The following SLC35F4 variants were observed in gnomAD, a reference collection of about 807,000 sequenced individuals.
SLC35F4 encodes the protein solute carrier family 35 member F4, also known as chromosome 14 open reading frame 36.
Under a neutral mutation model 44.2 loss-of-function variants are expected in SLC35F4, and 24 were observed. The ratio of observed to expected loss-of-function variants is 0.54; its 90% CI spans 0.39 to 0.76. SLC35F4 has a LOEUF of 0.76. Among genes scored for constraint, SLC35F4 ranks in the 30% least tolerant of loss-of-function variants. The probability of loss-of-function intolerance (pLI) is 0.00; values close to 1 mark genes in which losing one functional copy is unlikely to be tolerated. For synonymous variants in SLC35F4, 238 were observed against 223.6 expected (o/e 1.06, Z -0.57); for missense variants, 562 against 586.1 (o/e 0.96, Z 0.42).
intron 1 of SLC35F4, among the ~76,000 whole-genome samples, chr14:57,920,904 T>G (rs1041937827): frequency 6.6e-6 from 1 of 152,218 alleles, no homozygotes; most frequent in Admixed American, 6.5e-5. Flanking sequence ...ATGTATAGAT[T>G]ACATTTGTTA....
chr14:57,760,783 A>G (rs1423382291), intron 1 of SLC35F4, among the ~76,000 whole-genome samples: 1 of 152,202 alleles, frequency 6.6e-6, no homozygotes, highest in Non-Finnish European at 1.5e-5. Flanking sequence ...GGTGTGAATA[A>G]GCATTATTTC....
At chr14:57,665,946 T>C (rs1268067690) in intron 1 of SLC35F4, among the ~76,000 whole-genome samples, 4 of 151,878 alleles carry the variant, frequency 2.6e-5, no homozygotes, top group East Asian at 1.9e-4. Flanking sequence ...CATGGACACA[T>C]AGAGGGGGAA....
chr14:57,776,665 C>CAAAAA lies in SLC35F4; in HGVS notation c.103+89053_103+89057dup, dbSNP rs57272978. The stretch of plus-strand genomic sequence containing the variant: ...TGGGCAGCAGAGCAAGACTCCATCT[C>CAAAAA]AAAAAAAAAAAAAAAAAAAAAAAAT... On this transcript the variant is annotated intron_variant, in intron 1 of 7. Coordinates refer to ENST00000556826, the MANE Select transcript of SLC35F4 (RefSeq NM_001306087.2). Among the ~76,000 whole-genome samples, 121 of 72,028 alleles carry CAAAAA rather than the reference C, an allele frequency of 1.7e-3. 5 individuals carry two copies. The East Asian group carries it at 0.028, about 17-fold the overall frequency. The allele number at this position is 72,028 out of a possible 152,430, so 47.3% of individuals were successfully genotyped here. A position where few individuals can be genotyped will look rare whatever the true frequency, so the allele number is the denominator to read the frequency against.
intron 1 of SLC35F4, among the ~76,000 whole-genome samples, chr14:57,678,407 T>C (rs1229211437): frequency 2.0e-5 from 3 of 152,056 alleles, no homozygotes; most frequent in Non-Finnish European, 4.4e-5. Context: ...TGCAAGCCAC[T>C]GCAAAAACAT....
At chr14:57,609,118 C>T (rs116347982) in intron 1 of SLC35F4, among the ~76,000 whole-genome samples, 4,261 of 152,020 alleles carry the variant, frequency 0.028, 78 homozygotes, top group Middle Eastern at 0.058. Flanking sequence ...ATCTGTTATG[C>T]GGGAGGTAGG....
At chr14:57,934,340 T>A (rs915157555) in intron 1 of SLC35F4, among the ~76,000 whole-genome samples, 25 of 148,842 alleles carry the variant, frequency 1.7e-4, no homozygotes, top group African/African-American at 6.0e-4. Flanking sequence ...TGGGCTCAGC[T>A]TTCTCATCTG....
Position 57,658,066 on chromosome 14 carries a change from T to G in SLC35F4, c.104-63942A>C, listed in dbSNP as rs79074842. 2.0e-3 allele frequency among the ~76,000 whole-genome samples: 307 copies of G among 152,334 alleles called. 2 individuals are homozygous for G. The highest frequency in any genetic ancestry group is 7.1e-3 in the African/African-American group (294 of 41,586). On this transcript the variant is annotated intron_variant, in intron 1 of 7. Transcript: ENST00000556826. ...ACCCAATAAGTAGCTATGATGATTATGACTATGGAAACTCAGTCAATTGCT... is the reference window on the plus strand; with the variant it reads ...ACCCAATAAGTAGCTATGATGATTAGGACTATGGAAACTCAGTCAATTGCT...
At chr14:57,787,152 G>A (rs906268520) in intron 1 of SLC35F4, among the ~76,000 whole-genome samples, 7 of 152,098 alleles carry the variant, frequency 4.6e-5, no homozygotes, top group Non-Finnish European at 1.0e-4. Context: ...TGAACAAGTG[G>A]AAGAAAGAAA....
intron 1 of SLC35F4, among the ~76,000 whole-genome samples, chr14:57,955,847 T>A (rs1181558779): frequency 6.6e-6 from 1 of 152,150 alleles, no homozygotes; most frequent in African/African-American, 2.4e-5. Context: ...ATCAATATCA[T>A]AAAAATGGCC....
At chr14:57,855,812 G>T (rs957628201) in intron 1 of SLC35F4, among the ~76,000 whole-genome samples, 1 of 152,108 alleles carries the variant, frequency 6.6e-6, no homozygotes, top group African/African-American at 2.4e-5. Context: ...ATGATAGACT[G>T]GTTTAAGAAA....
intron 1 of SLC35F4, among the ~76,000 whole-genome samples, chr14:57,688,157 T>A (rs949865279): frequency 2.9e-4 from 44 of 151,466 alleles, no homozygotes; most frequent in African/African-American, 1.0e-3. Flanking sequence ...GGGTTACTAA[T>A]GAGGAAAAGA....
chr14:57,826,883 A>C (rs1055891102), intron 1 of SLC35F4, among the ~76,000 whole-genome samples: 7 of 152,214 alleles, frequency 4.6e-5, no homozygotes, highest in Non-Finnish European at 7.3e-5. Context: ...GCTGTGGAGA[A>C]ATAAGAACTC....
intron 1 of SLC35F4, among the ~76,000 whole-genome samples, chr14:57,871,188 A>C (rs1266300746): frequency 6.6e-6 from 1 of 152,158 alleles, no homozygotes; most frequent in Admixed American, 6.5e-5. Flanking sequence ...GTCCAGAAGC[A>C]GCAGAGTCCC....
intron 1 of SLC35F4, among the ~76,000 whole-genome samples, chr14:57,851,372 G>A (rs1303450545): frequency 6.6e-6 from 1 of 152,096 alleles, no homozygotes; most frequent in African/African-American, 2.4e-5. Context: ...GAAAATGTTT[G>A]GTGTATATGT....
intron 4 of SLC35F4, among the ~76,000 whole-genome samples, chr14:57,573,544 C>G (rs1428280224): frequency 3.3e-5 from 5 of 152,018 alleles, no homozygotes; most frequent in African/African-American, 7.2e-5. Flanking sequence ...AAGTAATAGA[C>G]TCATCAATAA....
At chr14:57,585,849 T>C (rs1456710449) in intron 3 of SLC35F4, among the ~76,000 whole-genome samples, 1 of 152,192 alleles carries the variant, frequency 6.6e-6, no homozygotes, top group Admixed American at 6.5e-5. Flanking sequence ...TGGGAAAATA[T>C]TCTATGCTCA....
At chr14:57,674,376 C>T (rs2074620004) in intron 1 of SLC35F4, among the ~76,000 whole-genome samples, 1 of 152,092 alleles carries the variant, frequency 6.6e-6, no homozygotes, top group African/African-American at 2.4e-5. Flanking sequence ...TCTACTTTTA[C>T]CCTAAAATAA....
At chr14:57,976,633 G>A (rs1881226907), downstream of SLC35F4, 1 of 152,212 alleles carries the variant, frequency 6.6e-6, no homozygotes, top group South Asian at 2.1e-4. Flanking sequence ...GATCATGGCA[G>A]AGAACCATGG....
At chr14:57,838,295 G>C (rs1885144050) in intron 1 of SLC35F4, among the ~76,000 whole-genome samples, 1 of 152,170 alleles carries the variant, frequency 6.6e-6, no homozygotes, top group South Asian at 2.1e-4. Flanking sequence ...AGGAAAGAAG[G>C]AGAATATATC....
Sources: gnomAD v4.1 joint callset for allele counts (sites outside exome capture counted in the v4.1 genomes callset) on GRCh38, gnomAD v4.1.1 for gene constraint, MANE v1.5 for transcripts, NCBI Gene and HGNC (gene_info 2026-07-23, HGNC 2026-07-21) for gene names.